Variants in GALNT13 observed in about 807,000 individuals in gnomAD.
GALNT13 encodes the protein polypeptide N-acetylgalactosaminyltransferase 13, also known as UDP-GalNAc:polypeptide N-acetylgalactosaminyltransferase 13.
GALNT13 carries 28 observed loss-of-function variants against 64.2 expected under a neutral mutation model. That is an observed-to-expected ratio of 0.44 (90% CI 0.32 to 0.60). The LOEUF (loss-of-function observed/expected upper bound fraction) is 0.60, where lower values mean the gene tolerates loss of function less well. Ranked by LOEUF, GALNT13 falls within the 20% of genes least tolerant of loss-of-function variation. GALNT13 has a pLI of 0.05. For synonymous variants in GALNT13, 214 were observed against 224.6 expected (o/e 0.95, Z 0.42); for missense variants, 577 against 669.8 (o/e 0.86, Z 1.53).
chr2:153,271,922 T>C, the GALNT13 span, among the ~76,000 whole-genome samples: 38 of 152,252 alleles, frequency 2.5e-4, no homozygotes, highest in East Asian at 5.8e-3. Flanking sequence ...AACAGATACA[T>C]AGACCAATGG....
At chr2:153,697,002 C>T in the GALNT13 span, among the ~76,000 whole-genome samples, 18 of 152,274 alleles carry the variant, frequency 1.2e-4, no homozygotes, top group East Asian at 1.7e-3. Flanking sequence ...AAAGTAATAA[C>T]GGTTGTGTGA....
the GALNT13 span, among the ~76,000 whole-genome samples, chr2:153,798,064 C>T: frequency 1.3e-5 from 2 of 152,102 alleles, no homozygotes; most frequent in Admixed American, 1.3e-4. Flanking sequence ...TTAAAAATAT[C>T]CCCAGAATAT....
the GALNT13 span, among the ~76,000 whole-genome samples, chr2:153,134,340 A>C: frequency 6.6e-6 from 1 of 151,932 alleles, no homozygotes; most frequent in Admixed American, 6.6e-5. Flanking sequence ...TTTGTGTGTA[A>C]GTGTACTTAA....
At chr2:153,295,065 C>G in the GALNT13 span, among the ~76,000 whole-genome samples, 1 of 152,160 alleles carries the variant, frequency 6.6e-6, no homozygotes, top group South Asian at 2.1e-4. Context: ...CAGGTGAAGC[C>G]CGCCTCTTTG....
At chr2:153,073,121 A>C in the GALNT13 span, among the ~76,000 whole-genome samples, 2 of 152,186 alleles carry the variant, frequency 1.3e-5, no homozygotes, top group African/African-American at 4.8e-5. Context: ...CGCGCTTTGA[A>C]ATACAATATG....
the GALNT13 span, among the ~76,000 whole-genome samples, chr2:153,864,972 A>G: frequency 6.7e-6 from 1 of 148,242 alleles, no homozygotes; most frequent in Admixed American, 6.8e-5. Flanking sequence ...ATATAGATCA[A>G]TGGAACAGAA....
chr2:153,254,007 CT>C, the GALNT13 span, among the ~76,000 whole-genome samples: 1 of 152,298 alleles, frequency 6.6e-6, no homozygotes, highest in Admixed American at 6.5e-5. Flanking sequence ...CAGATTCCCT[CT>C]TTTTCTATTG....
intron 3 of GALNT13, among the ~76,000 whole-genome samples, chr2:154,057,128 C>T (rs1188384337): frequency 1.3e-5 from 2 of 152,032 alleles, no homozygotes; most frequent in Non-Finnish European, 2.9e-5. Flanking sequence ...CTCCTGGGTT[C>T]AAGCGATTCT....
chr2:153,287,773 C>T, the GALNT13 span, among the ~76,000 whole-genome samples: 6 of 152,250 alleles, frequency 3.9e-5, no homozygotes, highest in South Asian at 1.2e-3. Flanking sequence ...CCGCTATGGT[C>T]TCTGTGTTTC....
At chr2:153,153,479 G>A in the GALNT13 span, among the ~76,000 whole-genome samples, 4 of 152,168 alleles carry the variant, frequency 2.6e-5, no homozygotes, top group Non-Finnish European at 5.9e-5. Flanking sequence ...CCTATGTCCT[G>A]AATAGTATTG....
chr2:153,151,067 C>A, the GALNT13 span, among the ~76,000 whole-genome samples: 1 of 152,018 alleles, frequency 6.6e-6, no homozygotes, highest in South Asian at 2.1e-4. Flanking sequence ...GCAGTATGGC[C>A]ATTTTCATGA....
chr2:153,536,321 A>C, the GALNT13 span, among the ~76,000 whole-genome samples: 1 of 152,326 alleles, frequency 6.6e-6, no homozygotes, highest in East Asian at 1.9e-4. Flanking sequence ...TCTCTATCCC[A>C]GTGCTGGTTC....
the GALNT13 span, among the ~76,000 whole-genome samples, chr2:153,318,942 A>G: frequency 6.6e-6 from 1 of 152,154 alleles, no homozygotes; most frequent in East Asian, 1.9e-4. Context: ...GTAATTTTAG[A>G]CATTTTATCA....
chr2:154,441,137 G>C (rs1005300509), intron 12 of GALNT13, among the ~76,000 whole-genome samples: 1 of 151,948 alleles, frequency 6.6e-6, no homozygotes, highest in Non-Finnish European at 1.5e-5. Context: ...AAAAGGACAG[G>C]GTCAAATATC....
chr2:154,070,868 T>C (rs551182734), intron 3 of GALNT13, among the ~76,000 whole-genome samples: 2 of 151,650 alleles, frequency 1.3e-5, no homozygotes, highest in Non-Finnish European at 2.9e-5. Flanking sequence ...TGAGCCGAGA[T>C]TGCACCGCTG....
At chr2:153,087,987 A>T in the GALNT13 span, among the ~76,000 whole-genome samples, 1 of 149,792 alleles carries the variant, frequency 6.7e-6, no homozygotes, top group Non-Finnish European at 1.5e-5. Context: ...GATATTTGTT[A>T]TTTCTTTTTT....
the GALNT13 span, among the ~76,000 whole-genome samples, chr2:153,743,511 GA>G: frequency 1.1e-5 from 1 of 87,810 alleles, no homozygotes; most frequent in South Asian, 2.8e-4. Context: ...ACTTTTCTTT[GA>G]AGCTTTTTGT....
chr2:153,371,866 C>T, the GALNT13 span, among the ~76,000 whole-genome samples: 2 of 152,164 alleles, frequency 1.3e-5, no homozygotes, highest in African/African-American at 4.8e-5. Context: ...AAGACTTAGG[C>T]TCTAAAAAGC....
chr2:154,393,665 G>A (rs140474151), intron 9 of GALNT13, among the ~76,000 whole-genome samples: 42 of 152,280 alleles, frequency 2.8e-4, no homozygotes, highest in Non-Finnish European at 4.4e-4. Flanking sequence ...GCCAGGGGGC[G>A]GCTTAGAGGT....
Sources: gnomAD v4.1 joint callset for allele counts (sites outside exome capture counted in the v4.1 genomes callset) on GRCh38, gnomAD v4.1.1 for gene constraint, MANE v1.5 for transcripts, NCBI Gene and HGNC (gene_info 2026-07-23, HGNC 2026-07-21) for gene names.